The following NSUN6 variants were observed in gnomAD, a reference collection of about 807,000 sequenced individuals.
NSUN6 encodes the protein NOP2/Sun RNA methyltransferase 6, also known as tRNA (cytosine(72)-C(5))-methyltransferase NSUN6.
In NSUN6, 64 loss-of-function variants were observed where a neutral mutation model predicts 58.0. That is an observed-to-expected ratio of 1.10 (90% CI 0.90 to 1.36). The LOEUF (loss-of-function observed/expected upper bound fraction) is 1.36, where lower values mean the gene tolerates loss of function less well. NSUN6 is among the 40% of genes most tolerant of loss of function. NSUN6 has a pLI of 0.00. For missense variants in NSUN6, 701 were observed against 550.1 expected, an observed-to-expected ratio of 1.27 and a Z score of -2.74; for synonymous variants, 231 against 193.9, an observed-to-expected ratio of 1.19 and a Z score of -1.59.
intron 8 of NSUN6, among the ~76,000 whole-genome samples, chr10:18,580,327 G>C (rs75416381): frequency 0.18 from 26,839 of 152,068 alleles, 2,888 homozygotes; most frequent in East Asian, 0.35. Context: ...CCGAAGCTCA[G>C]AATAAGATCC....
At chr10:18,553,156 T>C (rs1013010854) in intron 8 of NSUN6, among the ~76,000 whole-genome samples, 2 of 151,802 alleles carry the variant, frequency 1.3e-5, no homozygotes, top group Non-Finnish European at 2.9e-5. Context: ...TTCCCTTCCA[T>C]TCCATTCTCC....
chr10:18,608,868 A>G (rs2058131558), intron 6 of NSUN6, among the ~76,000 whole-genome samples: 1 of 152,210 alleles, frequency 6.6e-6, no homozygotes, highest in African/African-American at 2.4e-5. Flanking sequence ...AAATTCCCAA[A>G]ATGATTCATA....
At chr10:18,623,171 C>G (rs1236905536) in intron 3 of NSUN6, among the ~76,000 whole-genome samples, 1 of 152,050 alleles carries the variant, frequency 6.6e-6, no homozygotes, top group Non-Finnish European at 1.5e-5. Context: ...TATTTTACAT[C>G]TCATTTTAAG....
chr10:18,644,766 G>T lies in NSUN6; in HGVS notation c.232-2211C>A, dbSNP rs550748516. Among the ~76,000 whole-genome samples, 3 of 151,874 alleles carry T rather than the reference G, an allele frequency of 2.0e-5. No homozygotes were observed. The East Asian group carries it at 5.8e-4, about 30-fold the overall frequency. ...GAGGCAGGAGAATGGCGTGAACCCA[G>T]GAGGTGGAGCTTGCAGTGAGCCAAG... On this transcript the variant is annotated intron_variant, in intron 2 of 10. Coordinates refer to ENST00000377304, the MANE Select transcript of NSUN6 (RefSeq NM_182543.5).
At chr10:18,646,927 A>T (rs2059563221) in intron 2 of NSUN6, among the ~76,000 whole-genome samples, 1 of 152,226 alleles carries the variant, frequency 6.6e-6, no homozygotes, top group African/African-American at 2.4e-5. Flanking sequence ...ACACATGGTT[A>T]TGGAAAAGTA....
At chr10:18,584,914 A>C (rs954683015) in intron 8 of NSUN6, among the ~76,000 whole-genome samples, 3 of 151,880 alleles carry the variant, frequency 2.0e-5, no homozygotes, top group African/African-American at 7.2e-5. Flanking sequence ...AAAACCCATC[A>C]ACCAAGAATT....
At chr10:18,553,965 G>A (rs547058449) in intron 8 of NSUN6, among the ~76,000 whole-genome samples, 1 of 151,334 alleles carries the variant, frequency 6.6e-6, no homozygotes, top group South Asian at 2.1e-4. Context: ...GGAAGGGAAT[G>A]GAATGGAATC....
chr10:18,551,291 T>TGG (rs1554847995), intron 9 of NSUN6, among the ~76,000 whole-genome samples: 2 of 148,890 alleles, frequency 1.3e-5, no homozygotes, highest in African/African-American at 5.0e-5. Context: ...TGTGTGTGTG[T>TGG]GGTAAAATAT....
At chr10:18,599,968 C>A (rs2057740638) in intron 6 of NSUN6, among the ~76,000 whole-genome samples, 1 of 152,090 alleles carries the variant, frequency 6.6e-6, no homozygotes, top group Non-Finnish European at 1.5e-5. Context: ...TTTTGGAAAA[C>A]CAAATAATAT....
At chr10:18,658,671 C>A, upstream of NSUN6, 1 of 983,308 alleles carries the variant, frequency 1.0e-6, no homozygotes, top group Non-Finnish European at 1.2e-6. Context: ...TCCAGGCCTT[C>A]CATGGCTCGT....
At chr10:18,588,476 C>T (rs910654405) in intron 7 of NSUN6, among the ~76,000 whole-genome samples, 3 of 152,202 alleles carry the variant, frequency 2.0e-5, no homozygotes, top group Non-Finnish European at 2.9e-5. Flanking sequence ...TCCGTGCCTC[C>T]TGACTAGGAG....
chr10:18,622,624 C>T (rs12255014), intron 3 of NSUN6, among the ~76,000 whole-genome samples: 4,833 of 152,226 alleles, frequency 0.032, 267 homozygotes, highest in African/African-American at 0.11. Context: ...GCAGGATAAT[C>T]GCTTGAACAC....
upstream of NSUN6, chr10:18,652,277 A>G: frequency 1.0e-6 from 1 of 984,806 alleles, no homozygotes; most frequent in Non-Finnish European, 1.2e-6. Flanking sequence ...GAACGAGGAT[A>G]TCTAACCAAA....
At chr10:18,550,693 T>C (rs1190595126) in intron 9 of NSUN6, among the ~76,000 whole-genome samples, 1 of 151,724 alleles carries the variant, frequency 6.6e-6, no homozygotes, top group Admixed American at 6.6e-5. Flanking sequence ...TGCTCCCTAT[T>C]GGGCCTTCTT....
chr10:18,620,911 T>C (rs898935577), intron 3 of NSUN6, among the ~76,000 whole-genome samples: 1 of 152,172 alleles, frequency 6.6e-6, no homozygotes, highest in African/African-American at 2.4e-5. Context: ...TTAGATTTTA[T>C]GAAAATAACA....
At position 18,551,952 on chromosome 10, in the gene NSUN6, T is replaced by C; in HGVS notation, c.942A>G (p.Pro314=). The C allele has an allele frequency of 1.9e-6, 3 of 1,605,746 alleles. No individual in the cohort carries two copies. Among genetic ancestry groups the C allele is most frequent in the Non-Finnish European group, 2.6e-6 (3 of 1,173,244 alleles). ...EDTEGEPPFL[P]ESFDRILLDA... ...CCAGAAGAATTCGGTCAAAGGATTC[T>C]GGTAGAAATGGAGGTTCTCCTATAA... Residue 314 remains proline (P), a synonymous_variant, in exon 9 of 11, where the codon CCA becomes CCG. Transcript: ENST00000377304.
chr10:18,647,726 T>G (rs1370154191), intron 2 of NSUN6, among the ~76,000 whole-genome samples: 1 of 37,696 alleles, frequency 2.7e-5, no homozygotes, highest in Non-Finnish European at 6.2e-5. Context: ...CAACACCTTG[T>G]TTTTTTTTTT....
intron 8 of NSUN6, among the ~76,000 whole-genome samples, chr10:18,558,746 G>A (rs964410612): frequency 6.0e-5 from 9 of 150,018 alleles, no homozygotes; most frequent in African/African-American, 2.2e-4. Context: ...GGATGGAAAG[G>A]AATGGAATGG....
intron 8 of NSUN6, among the ~76,000 whole-genome samples, chr10:18,560,571 A>T (rs1463487881): frequency 1.3e-5 from 2 of 150,790 alleles, no homozygotes; most frequent in African/African-American, 4.9e-5. Flanking sequence ...ATAGAATGGA[A>T]TGGAGGATGG....
Sources: gnomAD v4.1 joint callset for allele counts (sites outside exome capture counted in the v4.1 genomes callset) on GRCh38, gnomAD v4.1.1 for gene constraint, MANE v1.5 for transcripts, NCBI Gene and HGNC (gene_info 2026-07-23, HGNC 2026-07-21) for gene names.